EVL: variants seen among roughly 807,000 people sequenced by gnomAD.
EVL encodes Enah/Vasp-like.
Under a neutral mutation model 59.6 loss-of-function variants are expected in EVL, and 21 were observed. The observed-to-expected ratio is 0.35, with a 90% CI of 0.25 to 0.51. The LOEUF (loss-of-function observed/expected upper bound fraction) is 0.51. EVL is among the 20% of genes least tolerant of loss of function. The probability of loss-of-function intolerance (pLI) is 0.97; values close to 1 mark genes in which losing one functional copy is unlikely to be tolerated. For missense variants in EVL, 462 were observed against 546.6 expected (o/e 0.85, Z 1.54); for synonymous variants, 198 against 203.5 (o/e 0.97, Z 0.23).
At chr14:100,002,055 A>G (rs1275883607) in intron 1 of EVL, among the ~76,000 whole-genome samples, 3 of 152,234 alleles carry the variant, frequency 2.0e-5, no homozygotes, top group Non-Finnish European at 4.4e-5. Flanking sequence ...TTCTGTCAAT[A>G]GCTCAAAAGA....
chr14:100,101,166 C>T (rs1311888510), intron 3 of EVL, among the ~76,000 whole-genome samples: 1 of 151,956 alleles, frequency 6.6e-6, no homozygotes, highest in Non-Finnish European at 1.5e-5. Flanking sequence ...TCGAGACCAG[C>T]CTGGCCAACC....
intron 1 of EVL, among the ~76,000 whole-genome samples, chr14:100,002,113 A>G (rs551196910): frequency 7.2e-5 from 11 of 152,324 alleles, no homozygotes; most frequent in African/African-American, 2.4e-4. Context: ...CGTTTTAAGC[A>G]AAAAGTCAAA....
At chr14:100,123,133 G>A (rs1183657887) in intron 3 of EVL, among the ~76,000 whole-genome samples, 1 of 152,210 alleles carries the variant, frequency 6.6e-6, no homozygotes, top group Non-Finnish European at 1.5e-5. Context: ...GCAATTCCCA[G>A]TTCCCCGCTG....
At chr14:100,136,737 G>A (rs1888818550) in intron 9 of EVL, among the ~76,000 whole-genome samples, 1 of 152,164 alleles carries the variant, frequency 6.6e-6, no homozygotes, top group Admixed American at 6.5e-5. Context: ...TTTGCCTGGT[G>A]TCTTGATTTG....
intron 1 of EVL, 100 bp from the exon 2 acceptor site, chr14:100,084,583 GTTTC>G: frequency 1.6e-6 from 2 of 1,261,780 alleles, no homozygotes; most frequent in Non-Finnish European, 1.1e-6. Context: ...CAATTGGAAA[GTTTC>G]TTTATGTCAA....
intron 3 of EVL, among the ~76,000 whole-genome samples, chr14:100,103,811 C>T (rs1423663484): frequency 1.3e-5 from 2 of 152,210 alleles, no homozygotes; most frequent in Non-Finnish European, 2.9e-5. Flanking sequence ...GATGCATCCA[C>T]AGACCCAAAA....
intron 1 of EVL, among the ~76,000 whole-genome samples, chr14:100,081,284 G>A (rs539475831): frequency 5.4e-4 from 82 of 152,282 alleles, no homozygotes; most frequent in African/African-American, 1.7e-3. Flanking sequence ...AGGCAATGTC[G>A]AGGTTAGATA....
intron 1 of EVL, among the ~76,000 whole-genome samples, chr14:100,038,484 A>C (rs773399012): frequency 6.6e-6 from 1 of 152,310 alleles, no homozygotes; most frequent in Non-Finnish European, 1.5e-5. Context: ...CGTGGTCTGG[A>C]CAGCCAGGGC....
At chr14:100,023,319 C>G (rs890678105) in intron 1 of EVL, among the ~76,000 whole-genome samples, 5 of 151,440 alleles carry the variant, frequency 3.3e-5, no homozygotes, top group African/African-American at 7.3e-5. Context: ...ATTCTCCTGC[C>G]CTAGCCTCCT....
intron 1 of EVL, chr14:100,074,420 T>C (rs2062117699): frequency 6.6e-6 from 1 of 152,170 alleles, no homozygotes; most frequent in Non-Finnish European, 1.5e-5. Flanking sequence ...AGTAAACTGC[T>C]CTCCTGTTTA....
intron 1 of EVL, among the ~76,000 whole-genome samples, chr14:99,980,827 GATTA>G (rs1409242402): frequency 6.6e-6 from 1 of 152,112 alleles, no homozygotes; most frequent in Admixed American, 6.5e-5. Flanking sequence ...CGGCATCATT[GATTA>G]ATGTTATTTT....
intron 3 of EVL, among the ~76,000 whole-genome samples, chr14:100,121,769 G>A (rs975487799): frequency 6.6e-6 from 1 of 152,160 alleles, no homozygotes; most frequent in African/African-American, 2.4e-5. Context: ...GGCTGCCATC[G>A]GGGTCCTGAC....
At chr14:100,138,529 C>T (rs1272446238) in intron 11 of EVL, 1 of 152,912 alleles carries the variant, frequency 6.5e-6, no homozygotes, top group Non-Finnish European at 1.5e-5. Context: ...AGGGAAACCA[C>T]CCTTATCACA....
chr14:99,993,753 C>T (rs1271314150), intron 1 of EVL, among the ~76,000 whole-genome samples: 7 of 133,822 alleles, frequency 5.2e-5, no homozygotes, highest in Admixed American at 1.7e-4. Flanking sequence ...AGTGCAATGG[C>T]GCAGTCTTCC....
intron 1 of EVL, among the ~76,000 whole-genome samples, chr14:100,020,968 T>C (rs1262886937): frequency 2.6e-5 from 4 of 152,210 alleles, no homozygotes; most frequent in African/African-American, 9.7e-5. Context: ...AATAGCCCCA[T>C]TAGATGACTA....
chr14:99,978,350 C>T (rs1450349652), intron 1 of EVL, among the ~76,000 whole-genome samples: 1 of 145,974 alleles, frequency 6.9e-6, no homozygotes, highest in East Asian at 2.1e-4. Context: ...TGCAGTGAGC[C>T]GAGATCGCGC....
At chr14:100,113,378 A>G (rs2140350246) in intron 3 of EVL, among the ~76,000 whole-genome samples, 1 of 152,314 alleles carries the variant, frequency 6.6e-6, no homozygotes, top group African/African-American at 2.4e-5. Flanking sequence ...AAGTGGCTTC[A>G]AGTCTATATG....
chr14:100,101,946 C>T (rs1373157285), intron 3 of EVL, among the ~76,000 whole-genome samples: 2 of 152,042 alleles, frequency 1.3e-5, no homozygotes, highest in Non-Finnish European at 2.9e-5. Context: ...CAAGTGATTC[C>T]CTTGCCTCAG....
Position 100,109,435 on chromosome 14 carries a change from T to C in EVL, c.358+11777T>C. On this transcript the variant is annotated intron_variant, in intron 3 of 13. Transcript: ENST00000392920. The surrounding 1 kb of genome is among the most constrained non-coding windows in gnomAD (Gnocchi z 4.3). ...TTTGTTTGGACCCTGGGTTTGTTTG[T>C]CTAGACTGTGAGCTCCTCGAGGGCA... 2.6e-6 allele frequency: 1 copy of C among 383,932 alleles called. No homozygotes were observed. The highest frequency in any genetic ancestry group is 1.9e-5 in the South Asian group (1 of 52,178). The allele number at this position is 383,932 out of a possible 1,614,324, so 23.8% of individuals were successfully genotyped here.
Sources: allele counts gnomAD v4.1 joint callset (sites outside exome capture counted in the v4.1 genomes callset), GRCh38; gene constraint gnomAD v4.1.1; non-coding constraint Gnocchi (gnomAD v3.1); transcripts MANE v1.5; gene names NCBI Gene and HGNC (gene_info 2026-07-23, HGNC 2026-07-21).